The following RAB27A variants were observed in gnomAD, a reference collection of about 807,000 sequenced individuals.
RAB27A encodes ras-related protein Rab-27A.
A neutral mutation model predicts 20.8 loss-of-function variants in RAB27A; 17 were observed. The ratio of observed to expected loss-of-function variants is 0.82; its 90% confidence interval spans 0.56 to 1.23. The LOEUF (loss-of-function observed/expected upper bound fraction) is 1.23, where lower values mean the gene tolerates loss of function less well. Ranked by LOEUF, RAB27A falls within the 50% of genes most tolerant of loss-of-function variation. The pLI is 0.00. For synonymous variants in RAB27A, 85 were observed against 92.8 expected (o/e 0.92, Z 0.48); for missense variants, 277 against 266.7 (o/e 1.04, Z -0.27).
intron 2 of RAB27A, among the ~76,000 whole-genome samples, chr15:55,252,127 G>C (rs1407902922): frequency 1.3e-5 from 2 of 152,130 alleles, no homozygotes; most frequent in Non-Finnish European, 2.9e-5. Flanking sequence ...GAGTCTTGGA[G>C]GTCAGCATTC....
chr15:55,209,693 A>G (rs1894825492), intron 6 of RAB27A, among the ~76,000 whole-genome samples: 1 of 150,358 alleles, frequency 6.7e-6, no homozygotes, highest in Non-Finnish European at 1.5e-5. Flanking sequence ...GAAAACTTAC[A>G]TAAAACTTTT....
chr15:55,216,711 A>G lies in RAB27A; in HGVS notation c.467+7178T>C, dbSNP rs1227729991. Among the ~76,000 whole-genome samples the G allele has an allele frequency of 3.3e-5, 5 of 152,242 alleles. No individual in the cohort carries two copies. In the East Asian group the frequency reaches 9.6e-4, roughly 29 times the overall value. On this transcript the variant is annotated intron_variant, in intron 6 of 6. Transcript: ENST00000336787. ...AATCCACAATGTAGCTGATCTATAA[A>G]ATCTACAATACTGCTCTAATTCTGG...
intron 2 of RAB27A, among the ~76,000 whole-genome samples, chr15:55,311,348 C>T (rs951220808): frequency 2.9e-4 from 44 of 152,278 alleles, no homozygotes; most frequent in African/African-American, 8.9e-4. Flanking sequence ...AGAAGGTACA[C>T]GCACTCTGGC....
intron 2 of RAB27A, among the ~76,000 whole-genome samples, chr15:55,242,983 A>G (rs1896550722): frequency 6.6e-6 from 1 of 152,172 alleles, no homozygotes; most frequent in Non-Finnish European, 1.5e-5. Flanking sequence ...CTTGAATTCA[A>G]GAATCAAAAG....
chr15:55,229,964 T>C (rs1895966105), intron 4 of RAB27A, among the ~76,000 whole-genome samples: 1 of 152,194 alleles, frequency 6.6e-6, no homozygotes. Context: ...ACAGAAGTTC[T>C]AGCTAACTGA....
chr15:55,214,489 G>A (rs1895188291), intron 6 of RAB27A, among the ~76,000 whole-genome samples: 1 of 152,194 alleles, frequency 6.6e-6, no homozygotes, highest in Admixed American at 6.5e-5. Flanking sequence ...CCTCATTTGA[G>A]TGTTTATCCA....
intron 6 of RAB27A, among the ~76,000 whole-genome samples, chr15:55,210,120 A>ATGTG (rs1894923863): frequency 7.3e-6 from 1 of 137,634 alleles, no homozygotes; most frequent in African/African-American, 3.0e-5. Context: ...ACATACACAT[A>ATGTG]TGTATATATA....
At position 55,209,895 on chromosome 15, in the gene RAB27A, T is replaced by TATATGCGTATATAC. The variant is rs1566896380; in HGVS notation, c.468-4191_468-4190insGTATATACGCATAT. Among the ~76,000 whole-genome samples the TATATGCGTATATAC allele has an allele frequency of 2.0e-4, 23 of 115,534 alleles. 3 individuals are homozygous for TATATGCGTATATAC. The highest frequency in any genetic ancestry group is 1.3e-3 in the African/African-American group (23 of 18,234). 75.8% of individuals were successfully genotyped at this position (115,534 alleles called of 152,430 possible). A position where few individuals can be genotyped will look rare whatever the true frequency, so the allele number is the denominator to read the frequency against. On this transcript the variant is annotated intron_variant, in intron 6 of 6. Coordinates refer to ENST00000336787, the MANE Select transcript of RAB27A (RefSeq NM_183235.3). ...ACATATATGTGTGTGTATACATATA[T>TATATGCGTATATAC]ACACATATGTGTGTGTATGTATATA...
At chr15:55,296,233 G>A (rs1338128968) in intron 2 of RAB27A, among the ~76,000 whole-genome samples, 2 of 151,270 alleles carry the variant, frequency 1.3e-5, no homozygotes, top group East Asian at 2.0e-4. Flanking sequence ...GGGGCCTGAC[G>A]CGGTGGCTCA....
chr15:55,278,779 G>T (rs1897942016), intron 1 of RAB27A, among the ~76,000 whole-genome samples: 1 of 152,148 alleles, frequency 6.6e-6, no homozygotes, highest in Admixed American at 6.5e-5. Context: ...ACCGCACCTG[G>T]CCCAGTCTTC....
chr15:55,230,071 C>T (rs892277218), intron 4 of RAB27A, among the ~76,000 whole-genome samples: 24 of 152,140 alleles, frequency 1.6e-4, no homozygotes, highest in African/African-American at 5.8e-4. Context: ...TAGATTTCAA[C>T]AGTCAGGTAA....
At chr15:55,241,624 A>ATATATATATATATATGTG (rs377301086) in intron 2 of RAB27A, among the ~76,000 whole-genome samples, 3 of 117,664 alleles carry the variant, frequency 2.5e-5, no homozygotes, top group African/African-American at 1.3e-4. Context: ...ATATATATAT[A>ATATATATATATATATGTG]TGTGTGTATA....
intron 6 of RAB27A, among the ~76,000 whole-genome samples, chr15:55,218,742 C>CTTT (rs565996048): frequency 4.9e-4 from 67 of 135,892 alleles, no homozygotes; most frequent in African/African-American, 9.5e-4. Context: ...AGTTCACATT[C>CTTT]TTTTTTTTTT....
At chr15:55,216,362 G>A (rs1369046948) in intron 6 of RAB27A, among the ~76,000 whole-genome samples, 1 of 152,026 alleles carries the variant, frequency 6.6e-6, no homozygotes, top group Admixed American at 6.6e-5. Context: ...GTGAAACCCT[G>A]TCTCTACTAA....
At chr15:55,245,912 C>T (rs1037596609) in intron 2 of RAB27A, among the ~76,000 whole-genome samples, 6 of 152,050 alleles carry the variant, frequency 3.9e-5, no homozygotes, top group Admixed American at 3.9e-4. Flanking sequence ...GAGTTCAAAA[C>T]CAACATGGCA....
intron 2 of RAB27A, among the ~76,000 whole-genome samples, chr15:55,235,700 A>C: frequency 6.6e-6 from 1 of 152,144 alleles, no homozygotes; most frequent in Non-Finnish European, 1.5e-5. Flanking sequence ...TCCTAGTGCT[A>C]AAATTTGCAA....
chr15:55,272,242 C>CA (rs983624323), intron 1 of RAB27A, among the ~76,000 whole-genome samples: 27 of 152,092 alleles, frequency 1.8e-4, no homozygotes, highest in African/African-American at 5.3e-4. Flanking sequence ...ACTAAAAATA[C>CA]AAAAAAATTA....
chr15:55,312,619 G>C lies in RAB27A; in HGVS notation c.-112+1420C>G, dbSNP rs150469498. 5.3e-5 allele frequency among the ~76,000 whole-genome samples: 8 copies of C among 152,020 alleles called. No homozygotes were observed. In the East Asian group the frequency reaches 7.7e-4, roughly 15 times the overall value. The stretch of plus-strand genomic sequence containing the variant: ...GAACATGAAATGGTAACTCAGTGTG[G>C]TTTTGTTTTCAACGAATGCAATATC... On this transcript the variant is annotated intron_variant, in intron 2 of 5. Transcript: ENST00000563262.
In RAB27A at chr15:55,243,327, C is replaced by T. The variant is rs146295022; in HGVS notation, c.-22-8371G>A. On this transcript the variant is annotated intron_variant, in intron 2 of 6. Transcript: ENST00000336787. ...ATTTACCTGTAGAATTGCTCGGCCC[C>T]GTTTTCTCTCAAATAAGTATTTTCC... Among the ~76,000 whole-genome samples, 595 of 152,290 alleles carry T rather than the reference C, an allele frequency of 3.9e-3. 3 individuals are homozygous for T. The highest frequency in any genetic ancestry group is 6.3e-3 in the Non-Finnish European group (429 of 68,026).
Sources: allele counts gnomAD v4.1 joint callset (sites outside exome capture counted in the v4.1 genomes callset), GRCh38; gene constraint gnomAD v4.1.1; transcripts MANE v1.5; gene names NCBI Gene and HGNC (gene_info 2026-07-23, HGNC 2026-07-21).